SVIL: variants seen among roughly 807,000 people sequenced by gnomAD.
The protein encoded by SVIL is supervillin.
Under a neutral mutation model 240.4 loss-of-function variants are expected in SVIL, and 101 were observed. The ratio of observed to expected loss-of-function variants is 0.42; its 90% CI spans 0.36 to 0.50. SVIL has a LOEUF of 0.50. Among genes scored for constraint, SVIL ranks in the 20% least tolerant of loss-of-function variants. The pLI is 0.01. For synonymous variants in SVIL, 999 were observed against 1,100.0 expected (o/e 0.91, Z 1.82); for missense variants, 2,512 against 2,818.7 (o/e 0.89, Z 2.46).
intron 2 of SVIL, among the ~76,000 whole-genome samples, chr10:29,659,632 C>A (rs970319722): frequency 6.6e-6 from 1 of 152,082 alleles, no homozygotes. Flanking sequence ...GTGATGGGTG[C>A]GGGGTCAAAG....
intron 36 of SVIL, 120 bp downstream of exon 36, chr10:29,462,157 G>A (rs117849440): frequency 0.031 from 41,438 of 1,325,636 alleles, 740 homozygotes; most frequent in Middle Eastern, 0.039. Flanking sequence ...TTAAGATGTT[G>A]CAAAAGGAAA....
intron 17 of SVIL, chr10:29,507,842 G>A (rs1455431489): frequency 2.9e-4 from 273 of 950,704 alleles, no homozygotes; most frequent in Non-Finnish European, 3.2e-4. Flanking sequence ...AGGGTTTAAG[G>A]TGAAAAGAGA....
At chr10:29,608,385 T>C (rs1440556211) in intron 1 of SVIL, among the ~76,000 whole-genome samples, 2 of 152,212 alleles carry the variant, frequency 1.3e-5, no homozygotes, top group Non-Finnish European at 2.9e-5. Flanking sequence ...ATGGCTGGGA[T>C]TGTGCACTCT....
intron 18 of SVIL, among the ~76,000 whole-genome samples, chr10:29,496,884 G>A (rs1389247732): frequency 6.6e-6 from 1 of 152,204 alleles, no homozygotes; most frequent in Non-Finnish European, 1.5e-5. Context: ...ATAAAAGCCT[G>A]GGCTAGAAGC....
chr10:29,617,415 A>G (rs1957466027), intron 1 of SVIL, among the ~76,000 whole-genome samples: 1 of 152,096 alleles, frequency 6.6e-6, no homozygotes, highest in Admixed American at 6.6e-5. Context: ...TGTATTTTGT[A>G]CTAAAAATAC....
chr10:29,480,865 C>G (rs1331475486), intron 28 of SVIL, 52 bp from the exon 29 acceptor site: 4 of 1,560,276 alleles, frequency 2.6e-6, no homozygotes, highest in Non-Finnish European at 2.6e-6. Flanking sequence ...TGCAGCTATT[C>G]CTTGTCATGC....
chr10:29,498,966 G>A, intron 18 of SVIL, 150 bp downstream of exon 18: 3 of 1,181,016 alleles, frequency 2.5e-6, no homozygotes, highest in Non-Finnish European at 3.5e-6. Context: ...AGGCAAAAGA[G>A]CAAGACCCTG....
At chr10:29,462,204 T>C (rs982160078) in intron 36 of SVIL, 73 bp downstream of exon 36, 83 of 1,521,622 alleles carry the variant, frequency 5.5e-5, no homozygotes, top group Non-Finnish European at 7.0e-5. Flanking sequence ...TTGGATGCTC[T>C]CCCCAAAGTA....
At chr10:29,655,676 A>G (rs2133023071) in intron 3 of SVIL, among the ~76,000 whole-genome samples, 1 of 152,290 alleles carries the variant, frequency 6.6e-6, no homozygotes, top group Middle Eastern at 3.4e-3. Flanking sequence ...TAACCATCAC[A>G]GCACCTAAAA....
intron 6 of SVIL, among the ~76,000 whole-genome samples, chr10:29,537,273 T>C (rs1432347868): frequency 1.3e-5 from 2 of 152,180 alleles, no homozygotes; most frequent in Non-Finnish European, 2.9e-5. Flanking sequence ...TCCTAGTAAG[T>C]GCAAGTAATG....
chr10:29,561,709 A>G (rs1278413010), intron 3 of SVIL, among the ~76,000 whole-genome samples: 3 of 152,110 alleles, frequency 2.0e-5, no homozygotes, highest in Non-Finnish European at 4.4e-5. Flanking sequence ...CTTGCCCTTG[A>G]AAACTCTGGG....
chr10:29,535,865 C>T (rs1041471801), intron 7 of SVIL, 124 bp downstream of exon 7: 4 of 921,852 alleles, frequency 4.3e-6, no homozygotes, highest in East Asian at 2.5e-5. Context: ...GTAACTTCCA[C>T]GTGATTTTCA....
Position 29,523,636 on chromosome 10 carries a change from T to A in SVIL, c.2978A>T (p.Tyr993Phe), listed in dbSNP as rs1482638247. ...REGDSHKESK[Y>F]AVPRRGSLER... is the part of the protein sequence containing the mutation. ...CAGGCTTCCTCTTCTGGGAACAGCA[T>A]ATTTAGATTCCTTATGGCTGTCTCC... Residue 993 changes from tyrosine (Y) to phenylalanine (F), a missense_variant, in exon 15 of 38, where the codon TAT becomes TTT. Physicochemically the swap from Tyr to Phe is conservative, Grantham distance 22. This residue lies in a region of SVIL where 1,443 missense variants were observed against 1,486.6 expected (regional missense o/e 0.97). Coordinates refer to ENST00000355867, the MANE Select transcript of SVIL (RefSeq NM_021738.3). 5.6e-6 allele frequency: 9 copies of A among 1,614,178 alleles called. No individual in the cohort carries two copies. In the South Asian group the frequency reaches 8.8e-5, roughly 16 times the overall value.
chr10:29,724,183 T>C lies in SVIL; in HGVS notation c.-400+11568A>G, dbSNP rs1007126183. On this transcript the variant is annotated intron_variant, in intron 1 of 35. Coordinates refer to the SVIL transcript ENST00000375400. ...CTTCTGAGTTTTTTGTTTTCTCTCT[T>C]TTTTTTTTTTTCAAGAAGCCTAAAT... is the stretch of plus-strand genomic sequence containing the variant. 1.5e-3 allele frequency among the ~76,000 whole-genome samples: 229 copies of C among 149,358 alleles called. 1 individual carries two copies. The highest frequency in any genetic ancestry group is 2.5e-3 in the Non-Finnish European group (168 of 67,188).
Position 29,551,260 on chromosome 10 carries a change from C to A in SVIL, c.164G>T (p.Arg55Leu). Residue 55 changes from arginine (R) to leucine (L), a missense_variant, in exon 6 of 38, where the codon CGA becomes CTA. This residue lies in a region of SVIL where 1,443 missense variants were observed against 1,486.6 expected (regional missense o/e 0.97). Transcript: ENST00000355867. Reference protein sequence around the residue: ...ASDPASPHIGRSNEEEETSDS... With the variant: ...ASDPASPHIGLSNEEEETSDS... The stretch of plus-strand genomic sequence containing the variant: ...AGAAGTTTCCTCCTCTTCATTTGAT[C>A]GGCCTACAAGAAGGTCACATGGATG... 1 of 1,589,606 alleles carries A rather than the reference C, an allele frequency of 6.3e-7. No homozygotes were observed. The highest frequency in any genetic ancestry group is 1.1e-5 in the South Asian group (1 of 87,182).
chr10:29,664,422 G>A (rs1254516324), intron 2 of SVIL, among the ~76,000 whole-genome samples: 2 of 152,098 alleles, frequency 1.3e-5, no homozygotes, highest in African/African-American at 4.8e-5. Flanking sequence ...TCTATAGCAG[G>A]AGACCTCTGG....
intron 3 of SVIL, among the ~76,000 whole-genome samples, chr10:29,641,841 C>T (rs911060509): frequency 6.6e-6 from 1 of 152,174 alleles, no homozygotes; most frequent in African/African-American, 2.4e-5. Flanking sequence ...TTACCAGCAC[C>T]ACATTTAGAT....
intron 12 of SVIL, among the ~76,000 whole-genome samples, chr10:29,527,366 C>T (rs983786887): frequency 6.6e-6 from 1 of 152,112 alleles, no homozygotes; most frequent in Non-Finnish European, 1.5e-5. Flanking sequence ...CAAATATTAG[C>T]TATCAAAAAA....
intron 2 of SVIL, among the ~76,000 whole-genome samples, chr10:29,669,202 C>G (rs545728517): frequency 5.3e-5 from 8 of 152,134 alleles, no homozygotes; most frequent in African/African-American, 1.9e-4. Flanking sequence ...GAGCAGAGCC[C>G]CAGAAGAATT....
Sources: gnomAD v4.1 joint callset for allele counts (sites outside exome capture counted in the v4.1 genomes callset) on GRCh38, gnomAD v4.1.1 for gene constraint, gnomAD v4.1.1 regional missense constraint, MANE v1.5 for transcripts, NCBI Gene and HGNC (gene_info 2026-07-23, HGNC 2026-07-21) for gene names.